Variants in USH2A observed in about 807,000 individuals in gnomAD.
The protein encoded by USH2A is usherin, also known as Usher syndrome 2A (autosomal recessive, mild).
Under a neutral mutation model 538.9 loss-of-function variants are expected in USH2A, and 443 were observed. That is an observed-to-expected ratio of 0.82 (90% CI 0.76 to 0.89). The LOEUF (loss-of-function observed/expected upper bound fraction) is 0.89. Among genes scored for constraint, USH2A ranks in the 40% least tolerant of loss-of-function variants. USH2A has a pLI of 0.00. For missense variants in USH2A, 6,633 were observed against 6,324.8 expected, an observed-to-expected ratio of 1.05 and a Z score of -1.65; for synonymous variants, 2,413 against 2,273.5, an observed-to-expected ratio of 1.06 and a Z score of -1.75.
At chr1:216,044,133 C>G (rs2030415258) in intron 32 of USH2A, among the ~76,000 whole-genome samples, 1 of 151,948 alleles carries the variant, frequency 6.6e-6, no homozygotes, top group Non-Finnish European at 1.5e-5. Context: ...GCAGGGCAAA[C>G]CGATGAACAA....
At chr1:216,031,046 T>C (rs993615330) in intron 32 of USH2A, among the ~76,000 whole-genome samples, 9 of 152,044 alleles carry the variant, frequency 5.9e-5, no homozygotes, top group Non-Finnish European at 1.0e-4. Context: ...GATATCTGTG[T>C]ACTGGGCATT....
In USH2A at chr1:216,086,957, C is replaced by T. The variant is rs2032154427; in HGVS notation, c.4886-137G>A. Reference sequence around the variant, plus strand: ...CTCTCTCCTCATTGCCTGTTCATTACTTTTCTTCACTGGCTCTTCCTCAAC... The same window carrying T: ...CTCTCTCCTCATTGCCTGTTCATTATTTTTCTTCACTGGCTCTTCCTCAAC... On this transcript the variant is annotated intron_variant, in intron 23 of 71. Coordinates refer to ENST00000307340, the MANE Select transcript of USH2A (RefSeq NM_206933.4). 2.1e-5 allele frequency: 14 copies of T among 681,182 alleles called. No homozygotes were observed. The South Asian group carries it at 2.2e-4, about 10-fold the overall frequency. 42.2% of individuals were successfully genotyped at this position (681,182 alleles called of 1,614,324 possible).
intron 21 of USH2A, among the ~76,000 whole-genome samples, chr1:216,116,511 G>A (rs1211398425): frequency 2.0e-5 from 3 of 151,978 alleles, no homozygotes; most frequent in Non-Finnish European, 2.9e-5. Context: ...TTACTCTGGG[G>A]TTTTACACCA....
Position 215,912,451 on chromosome 1 carries a change from GTGTA to G in USH2A, c.7301-11550_7301-11547del, listed in dbSNP as rs1241762379. Among the ~76,000 whole-genome samples, 12 of 9,960 alleles carry G rather than the reference GTGTA, an allele frequency of 1.2e-3. No homozygotes were observed. The East Asian group carries it at 0.021, about 17-fold the overall frequency. 6.5% of individuals were successfully genotyped at this position (9,960 alleles called of 152,430 possible). ...ATTTTTGAGGGTAGGTAGTAGGTATGTGTATATATATATATATATATATACGTAT... is the reference window on the plus strand; with the variant it reads ...ATTTTTGAGGGTAGGTAGTAGGTATGTATATATATATATATATATACGTAT... On this transcript the variant is annotated intron_variant, in intron 38 of 71. Transcript: ENST00000307340.
At chr1:216,341,794 T>C (rs1301996084) in intron 4 of USH2A, among the ~76,000 whole-genome samples, 1 of 152,178 alleles carries the variant, frequency 6.6e-6, no homozygotes, top group Non-Finnish European at 1.5e-5. Context: ...GCTAGCCTTA[T>C]GCAGAATACT....
rs551620511 is a variant in USH2A at position 215,807,644 on chromosome 1, A to G, written c.9739+6092T>C. ...TCATGACTTTCCCTGGCTAGTTGCT[A>G]AAAGTCAACTTAGAGAATTGCTTGG... On this transcript the variant is annotated intron_variant, in intron 49 of 71. Coordinates refer to ENST00000307340, the MANE Select transcript of USH2A (RefSeq NM_206933.4). 2.6e-5 allele frequency among the ~76,000 whole-genome samples: 4 copies of G among 151,844 alleles called. No individual in the cohort carries two copies. In the East Asian group the frequency reaches 5.8e-4, roughly 22 times the overall value.
chr1:216,174,653 C>T, intron 21 of USH2A: 2 of 985,616 alleles, frequency 2.0e-6, no homozygotes, highest in Non-Finnish European at 2.4e-6. Flanking sequence ...ACTTGCTTTA[C>T]CATAGTCCTG....
intron 38 of USH2A, among the ~76,000 whole-genome samples, chr1:215,927,198 TAATA>T (rs1666258608): frequency 6.6e-6 from 1 of 152,120 alleles, no homozygotes; most frequent in South Asian, 2.1e-4. Context: ...AGTGAGGACT[TAATA>T]AAACAATACT....
At chr1:216,061,707 C>T (rs1279130534) in intron 30 of USH2A, among the ~76,000 whole-genome samples, 2 of 152,166 alleles carry the variant, frequency 1.3e-5, no homozygotes, top group African/African-American at 2.4e-5. Flanking sequence ...TTTTGAACTA[C>T]CACCTTGTAA....
intron 37 of USH2A, among the ~76,000 whole-genome samples, chr1:215,957,254 C>G (rs573003353): frequency 6.6e-6 from 1 of 152,164 alleles, no homozygotes; most frequent in African/African-American, 2.4e-5. Flanking sequence ...AGTTTTTATT[C>G]CTAATATCTT....
intron 3 of USH2A, among the ~76,000 whole-genome samples, chr1:216,372,385 C>A (rs1453395562): frequency 6.6e-6 from 1 of 152,130 alleles, no homozygotes; most frequent in Admixed American, 6.5e-5. Context: ...CTCAGACAAG[C>A]CAAGCCAGGC....
rs150406015 is a variant in USH2A, at chr1:215,675,512, C to T, written c.12399G>A (p.Glu4133=). 3.3e-5 allele frequency: 53 copies of T among 1,614,018 alleles called. 1 individual carries two copies. In the African/African-American group the frequency reaches 6.5e-4, roughly 20 times the overall value. The change falls in exon 63 of 72, where the codon GAG becomes GAA. Residue 4133 remains glutamate (E), a synonymous_variant. Transcript: ENST00000307340. ...GTGCACAACCTGCTCTGGTGCAGGC[C>T]TCCAGGGTCAGTGTGTAGAGAGTGA... ...DPFTLYTLTL[E]ACTRAGCAHS...
intron 39 of USH2A, 107 bp downstream of exon 39, chr1:215,900,647 TA>T: frequency 6.9e-7 from 1 of 1,446,852 alleles, no homozygotes. Context: ...TTTGTACTTT[TA>T]AAAGGTAACC....
intron 47 of USH2A, among the ~76,000 whole-genome samples, chr1:215,825,441 C>G (rs960332391): frequency 6.6e-6 from 1 of 151,320 alleles, no homozygotes; most frequent in African/African-American, 2.4e-5. Flanking sequence ...TACCTTTACA[C>G]AGGTGAATAT....
chr1:215,652,582 G>A (rs1341920528), intron 64 of USH2A, among the ~76,000 whole-genome samples: 1 of 152,068 alleles, frequency 6.6e-6, no homozygotes, highest in African/African-American at 2.4e-5. Context: ...CTCAGAAATA[G>A]GTGAGGTCAG....
chr1:216,013,674 A>C (rs1372047958), intron 32 of USH2A, among the ~76,000 whole-genome samples: 1 of 144,898 alleles, frequency 6.9e-6, no homozygotes, highest in Non-Finnish European at 1.5e-5. Context: ...TGTGACCCCC[A>C]CTCTGGCCTC....
At chr1:215,732,477 C>T (rs554131508) in intron 60 of USH2A, among the ~76,000 whole-genome samples, 6 of 148,918 alleles carry the variant, frequency 4.0e-5, no homozygotes, top group African/African-American at 1.2e-4. Flanking sequence ...GGTTCCATGG[C>T]TTTGGTATCT....
chr1:216,289,449 CATTAAAATCAGCTGCATAA>C (rs2036956580), intron 10 of USH2A, 39 bp from the exon 11 acceptor site: 15 of 1,612,886 alleles, frequency 9.3e-6, no homozygotes, highest in Middle Eastern at 3.3e-4. Context: ...ACTTCTAATT[CATTAAAATCAGCTGCATAA>C]TTCAAAATTA....
chr1:216,059,535 A>T lies in USH2A; in HGVS notation c.6049+10566T>A, dbSNP rs576649439. On this transcript the variant is annotated intron_variant, in intron 30 of 71. Transcript: ENST00000307340. ...CTGGATAGCATCCTTTGCCTATGAC[A>T]CTATTTTTATAGGTTTTTGTTTTGT... Among the ~76,000 whole-genome samples the T allele has an allele frequency of 9.9e-5, 15 of 152,278 alleles. No individual in the cohort carries two copies. In the South Asian group the frequency reaches 2.1e-3, roughly 21 times the overall value.
Sources: gnomAD v4.1 joint callset for allele counts (sites outside exome capture counted in the v4.1 genomes callset) on GRCh38, gnomAD v4.1.1 for gene constraint, MANE v1.5 for transcripts, NCBI Gene and HGNC (gene_info 2026-07-23, HGNC 2026-07-21) for gene names.